The following ANO3 variants were observed in gnomAD, a reference collection of about 807,000 sequenced individuals.
The protein encoded by ANO3 is anoctamin 3, also known as anoctamin-3.
A neutral mutation model predicts 144.8 loss-of-function variants in ANO3; 99 were observed. The ratio of observed to expected loss-of-function variants is 0.68; its 90% confidence interval spans 0.58 to 0.81. ANO3 has a LOEUF of 0.81. ANO3 is among the 30% of genes least tolerant of loss of function. The pLI is 0.00. For synonymous variants in ANO3, 414 were observed against 392.6 expected (o/e 1.05, Z -0.64); for missense variants, 905 against 1,202.2 (o/e 0.75, Z 3.66).
At chr11:26,641,706 A>AT (rs71449128) in intron 21 of ANO3, among the ~76,000 whole-genome samples, 190 bp from the exon 22 acceptor site, 2 of 151,130 alleles carry the variant, frequency 1.3e-5, no homozygotes, top group Non-Finnish European at 3.0e-5. Flanking sequence ...TTTAAAAAAA[A>AT]TTTTTTAAGA....
intron 1 of ANO3, among the ~76,000 whole-genome samples, chr11:26,222,583 C>A (rs916027851): frequency 6.6e-6 from 1 of 152,230 alleles, no homozygotes; most frequent in Non-Finnish European, 1.5e-5. Context: ...CTGGGGACTC[C>A]ACCCCTGCAG....
chr11:26,276,894 C>T (rs753681685), intron 1 of ANO3, among the ~76,000 whole-genome samples: 2 of 152,150 alleles, frequency 1.3e-5, no homozygotes, highest in Admixed American at 6.6e-5. Context: ...ACTTGAGAGA[C>T]TGACCTCTCC....
chr11:26,494,122 A>G (rs899463582), intron 4 of ANO3, among the ~76,000 whole-genome samples: 2 of 151,932 alleles, frequency 1.3e-5, no homozygotes, highest in Non-Finnish European at 2.9e-5. Flanking sequence ...GGCAAAGTCT[A>G]TTTTTGCAGA....
At chr11:26,575,657 T>A (rs1021977645) in intron 14 of ANO3, among the ~76,000 whole-genome samples, 3 of 152,194 alleles carry the variant, frequency 2.0e-5, no homozygotes, top group African/African-American at 7.2e-5. Flanking sequence ...TACAAGGAGA[T>A]AAATAATTTC....
chr11:26,311,731 GA>G (rs1265133378), intron 1 of ANO3, among the ~76,000 whole-genome samples: 1 of 152,178 alleles, frequency 6.6e-6, no homozygotes, highest in African/African-American at 2.4e-5. Flanking sequence ...CCTGTACTCT[GA>G]TATGTCTTTC....
In ANO3 at chr11:26,271,977, C is replaced by A. The variant is rs567998406; in HGVS notation, c.155-37668C>A. 1.4e-3 allele frequency among the ~76,000 whole-genome samples: 216 copies of A among 152,106 alleles called. 1 individual carries two copies. Among genetic ancestry groups the A allele is most frequent in the African/African-American group, 5.0e-3 (206 of 41,512 alleles). On this transcript the variant is annotated intron_variant, in intron 1 of 27. Coordinates refer to the ANO3 transcript ENST00000672621. Reference sequence around the variant, plus strand: ...TATACTCTGATTTAGGTATTTATATCTTTTAATCCTTATAAAACTCCATAG... The same window carrying A: ...TATACTCTGATTTAGGTATTTATATATTTTAATCCTTATAAAACTCCATAG...
chr11:26,559,621 T>C (rs1053696529), intron 13 of ANO3, 98 bp from the exon 14 acceptor site: 5 of 821,248 alleles, frequency 6.1e-6, no homozygotes, highest in Non-Finnish European at 4.2e-6. Flanking sequence ...AATATGATTC[T>C]ATTTGAGAAA....
intron 14 of ANO3, among the ~76,000 whole-genome samples, chr11:26,563,979 T>G (rs1850409792): frequency 2.0e-5 from 3 of 151,882 alleles, no homozygotes; most frequent in Admixed American, 2.0e-4. Flanking sequence ...CTTCTCTTTT[T>G]TTGAAGGACT....
chr11:26,624,265 T>G (rs958067423), intron 17 of ANO3, among the ~76,000 whole-genome samples, 197 bp from the exon 18 acceptor site: 4 of 152,232 alleles, frequency 2.6e-5, no homozygotes, highest in Non-Finnish European at 4.4e-5. Context: ...CACATTTACA[T>G]TCACATATAT....
At chr11:26,307,714 C>T (rs1022340390), upstream of ANO3, among the ~76,000 whole-genome samples, 4 of 94,486 alleles carry the variant, frequency 4.2e-5, no homozygotes, top group Non-Finnish European at 9.2e-5. Flanking sequence ...AGCGAAACTC[C>T]GTCTCTAAAT....
intron 3 of ANO3, among the ~76,000 whole-genome samples, chr11:26,451,923 G>T (rs537529561): frequency 6.6e-5 from 10 of 152,216 alleles, no homozygotes; most frequent in African/African-American, 2.2e-4. Context: ...AGCATTCGCG[G>T]TTCACGAAAA....
intron 5 of ANO3, among the ~76,000 whole-genome samples, chr11:26,511,644 G>A (rs117808631): frequency 0.11 from 16,874 of 152,258 alleles, 1,311 homozygotes; most frequent in Admixed American, 0.16. Context: ...AACAAGGGCA[G>A]TGGTATGGTC....
chr11:26,628,459 T>G (rs1330322817), intron 18 of ANO3, among the ~76,000 whole-genome samples: 1 of 152,186 alleles, frequency 6.6e-6, no homozygotes, highest in Non-Finnish European at 1.5e-5. Flanking sequence ...CAGAAATACA[T>G]TACCCTAGAA....
chr11:26,343,830 G>A (rs1001663509), intron 1 of ANO3, among the ~76,000 whole-genome samples: 2 of 152,056 alleles, frequency 1.3e-5, no homozygotes, highest in African/African-American at 4.8e-5. Flanking sequence ...GTTTGAGAAT[G>A]GTTTGTAGTA....
intron 6 of ANO3, among the ~76,000 whole-genome samples, chr11:26,520,892 T>A (rs1017400230): frequency 6.6e-6 from 1 of 152,164 alleles, no homozygotes; most frequent in Non-Finnish European, 1.5e-5. Flanking sequence ...AGTCTTTATA[T>A]ATTTTATAAA....
At chr11:26,547,853 T>A (rs1849827564) in intron 12 of ANO3, among the ~76,000 whole-genome samples, 1 of 151,998 alleles carries the variant, frequency 6.6e-6, no homozygotes, top group Non-Finnish European at 1.5e-5. Flanking sequence ...TACATTTGCA[T>A]AGCATTTGTT....
At position 26,522,133 on chromosome 11, in the gene ANO3, G is replaced by A. The variant is rs138715578; in HGVS notation, c.693-3502G>A. ...CGGGAGGCTGAGCTTGCAGTGAGCCGAGATCGCGCCACTGCACTCCAGCCT... is the reference window on the plus strand; with the variant it reads ...CGGGAGGCTGAGCTTGCAGTGAGCCAAGATCGCGCCACTGCACTCCAGCCT... On this transcript the variant is annotated intron_variant, in intron 6 of 26. Coordinates refer to ENST00000256737, the MANE Select transcript of ANO3 (RefSeq NM_031418.4). Among the ~76,000 whole-genome samples, 77 of 152,090 alleles carry A rather than the reference G, an allele frequency of 5.1e-4. No homozygotes were observed. The East Asian group carries it at 0.014, about 28-fold the overall frequency.
chr11:26,210,596 TG>T (rs1279812192), intron 1 of ANO3, among the ~76,000 whole-genome samples: 1 of 152,178 alleles, frequency 6.6e-6, no homozygotes, highest in African/African-American at 2.4e-5. Flanking sequence ...TTCATGACAT[TG>T]GTTCTTCCTA....
upstream of ANO3, among the ~76,000 whole-genome samples, chr11:26,330,092 AATGAGATCTAC>A (rs1188008715): frequency 1.1e-4 from 17 of 152,280 alleles, no homozygotes; most frequent in East Asian, 3.3e-3. Flanking sequence ...TAAACATTTA[AATGAGATCTAC>A]AGGGGTCATA....
Sources: allele counts gnomAD v4.1 joint callset (sites outside exome capture counted in the v4.1 genomes callset), GRCh38; gene constraint gnomAD v4.1.1; transcripts MANE v1.5; gene names NCBI Gene and HGNC (gene_info 2026-07-23, HGNC 2026-07-21).